The following QSOX1 variants were observed in gnomAD, a reference collection of about 807,000 sequenced individuals.
The protein encoded by QSOX1 is sulfhydryl oxidase 1.
QSOX1 carries 40 observed loss-of-function variants against 76.1 expected under a neutral mutation model. The observed-to-expected ratio is 0.53, with a 90% CI of 0.41 to 0.68. The LOEUF is 0.68. QSOX1 is among the 30% of genes least tolerant of loss of function. QSOX1 has a pLI of 0.00. For synonymous variants in QSOX1, 392 were observed against 413.1 expected, an observed-to-expected ratio of 0.95 and a Z score of 0.62; for missense variants, 931 against 974.3, an observed-to-expected ratio of 0.96 and a Z score of 0.59.
chr1:180,171,232 C>T (rs534754500), intron 2 of QSOX1, among the ~76,000 whole-genome samples: 73 of 152,272 alleles, frequency 4.8e-4, no homozygotes, highest in Non-Finnish European at 9.4e-4. Flanking sequence ...CATCATCTGT[C>T]GGGCCTGGTC....
At chr1:180,175,459 A>G (rs73040426) in intron 3 of QSOX1, 93 bp downstream of exon 3, 40,698 of 1,390,112 alleles carry the variant, frequency 0.029, 1,174 homozygotes, top group Middle Eastern at 0.12. Flanking sequence ...AAGCCCTGGC[A>G]GTCGGCAGGG....
At position 180,196,925 on chromosome 1, in the gene QSOX1, G is replaced by C. The variant is rs765339427; in HGVS notation, c.2132G>C (p.Ser711Thr). 1.3e-6 allele frequency: 2 copies of C among 1,598,656 alleles called. No individual in the cohort carries two copies. The highest frequency in any genetic ancestry group is 1.7e-5 in the Admixed American group (1 of 58,486). The change falls in exon 12 of 12, where the codon AGC (serine) becomes ACC (threonine). Residue 711 changes from serine (S) to threonine (T), a missense_variant. Coordinates refer to ENST00000367602, the MANE Select transcript of QSOX1 (RefSeq NM_002826.5). This position sits in a 1 kb window ranked among gnomAD's most constrained non-coding sequence, Gnocchi z 4.1. Reference protein sequence around the residue: ...LGGGFSYLDISLCVGLYSLSF... With the variant: ...LGGGFSYLDITLCVGLYSLSF... ...GGGGGCTTCTCTTACCTGGACATCA[G>C]CCTCTGTGTGGGGCTCTATTCCCTG...
intron 4 of QSOX1, among the ~76,000 whole-genome samples, chr1:180,176,392 T>C (rs557207943): frequency 6.6e-6 from 1 of 152,330 alleles, no homozygotes; most frequent in African/African-American, 2.4e-5. Flanking sequence ...GCAGCAGGAT[T>C]TCACATGCTC....
Position 180,154,995 on chromosome 1 carries a change from GC to G in QSOX1, c.92del (p.Pro31ArgfsTer12). ...GCTCGCGGTTCCCGGCGCTAACGCG[GC>G]CCCGCGGTCGGCGCTCTATTCGCCT... ...WLLAVPGANAAPRSALYSPSD... is the reference protein window; with the variant it reads ...WLLAVPGANAXPRSALYSPSD... On this transcript the variant is annotated frameshift_variant, in exon 1 of 12. Transcript: ENST00000367602. LOFTEE classifies it high-confidence loss of function. 6.6e-7 allele frequency: 1 copy of G among 1,510,024 alleles called. No homozygotes were observed. Among genetic ancestry groups the G allele is most frequent in the East Asian group, 2.7e-5 (1 of 37,324 alleles). The allele number at this position is 1,510,024 out of a possible 1,614,324, so 93.5% of individuals were successfully genotyped here. A position where few individuals can be genotyped will look rare whatever the true frequency, so the allele number is the denominator to read the frequency against.
chr1:180,162,606 G>C (rs1007231360), intron 1 of QSOX1, among the ~76,000 whole-genome samples: 1 of 152,052 alleles, frequency 6.6e-6, no homozygotes, highest in African/African-American at 2.4e-5. Flanking sequence ...AGGTGTGGTG[G>C]TGTGCACCTG....
chr1:180,158,081 T>C (rs770402739), intron 1 of QSOX1, among the ~76,000 whole-genome samples: 21 of 152,224 alleles, frequency 1.4e-4, no homozygotes, highest in Non-Finnish European at 2.2e-4. Context: ...CGGGAAAATA[T>C]CTGTACTATG....
intron 1 of QSOX1, among the ~76,000 whole-genome samples, chr1:180,161,873 C>T (rs904359675): frequency 2.6e-5 from 4 of 152,162 alleles, no homozygotes; most frequent in Admixed American, 6.5e-5. Flanking sequence ...CCAGTCCAAT[C>T]GTATTATCTC....
rs988351735 is a variant in QSOX1 at position 180,203,145 on chromosome 1, A to T, written c.*6108A>T. On this transcript the variant is annotated 3_prime_UTR_variant, in exon 12 of 12. Coordinates refer to ENST00000367602, the MANE Select transcript of QSOX1 (RefSeq NM_002826.5). ...AAAAGCTGGGGAAATATATGCTGTA[A>T]ATATGACAAAGGGCTGTGACTCTTC... is the stretch of plus-strand genomic sequence containing the variant. The T allele has an allele frequency of 6.6e-6, 1 of 152,228 alleles. No individual in the cohort carries two copies. The highest frequency in any genetic ancestry group is 1.5e-5 in the Non-Finnish European group (1 of 68,042). The allele number at this position is 152,228 out of a possible 1,614,324, so 9.4% of individuals were successfully genotyped here.
At chr1:180,182,770 C>T (rs1663072957) in intron 6 of QSOX1, among the ~76,000 whole-genome samples, 1 of 152,220 alleles carries the variant, frequency 6.6e-6, no homozygotes, top group South Asian at 2.1e-4. Context: ...AACAATCAGG[C>T]CAGCCTCAGC....
Position 180,196,386 on chromosome 1 carries a change from C to T in QSOX1, c.1593C>T (p.Leu531=), listed in dbSNP as rs768556738. ...ACGTGGAAGCCACCCTCAACTTCCT[C>T]AAGGCCCACTTCTCCCCAAGCAACA... ...VWDVEATLNF[L]KAHFSPSNII... The change falls in exon 12 of 12, where the codon CTC becomes CTT. Residue 531 remains leucine, a synonymous_variant. Coordinates refer to ENST00000367602, the MANE Select transcript of QSOX1 (RefSeq NM_002826.5). This position sits in a 1 kb window ranked among gnomAD's most constrained non-coding sequence, Gnocchi z 4.1. The T allele has an allele frequency of 9.3e-6, 15 of 1,614,212 alleles. No individual in the cohort carries two copies. Among genetic ancestry groups the T allele is most frequent in the Middle Eastern group, 1.6e-4 (1 of 6,062 alleles).
chr1:180,155,444 C>T (rs1343414611), intron 1 of QSOX1, among the ~76,000 whole-genome samples: 1 of 152,192 alleles, frequency 6.6e-6, no homozygotes, highest in African/African-American at 2.4e-5. Flanking sequence ...CCCGGTTCGT[C>T]CCCCGCCAGG....
chr1:180,198,927 T>C lies in QSOX1; in HGVS notation c.*1890T>C, dbSNP rs1663571603. On this transcript the variant is annotated 3_prime_UTR_variant, in exon 12 of 12. Transcript: ENST00000367602. ...CACCCCCTAAGGGCTCCTTGCCCAA[T>C]GCCAAGTGCTGGGGATTTCTGTCAG... 6.2e-6 allele frequency: 1 copy of C among 160,034 alleles called. No individual in the cohort carries two copies. The highest frequency in any genetic ancestry group is 1.4e-5 in the Non-Finnish European group (1 of 72,194). 9.9% of individuals were successfully genotyped at this position (160,034 alleles called of 1,614,324 possible). A position where few individuals can be genotyped will look rare whatever the true frequency, so the allele number is the denominator to read the frequency against.
chr1:180,163,378 C>T (rs73038417), intron 1 of QSOX1, among the ~76,000 whole-genome samples: 4,470 of 152,188 alleles, frequency 0.029, 127 homozygotes, highest in East Asian at 0.094. Flanking sequence ...AGAATTATGT[C>T]CCTTATTATT....
chr1:180,197,136 G>T lies in QSOX1; in HGVS notation c.*99G>T. On this transcript the variant is annotated 3_prime_UTR_variant, in exon 12 of 12. Transcript: ENST00000367602. ...CCTCCCACCCCTTGCTCCTTGTCTG[G>T]CCTAGAAGTGTGGGAAATTCAGGAA... The T allele has an allele frequency of 6.7e-7, 1 of 1,498,644 alleles. No individual in the cohort carries two copies. 92.8% of individuals were successfully genotyped at this position (1,498,644 alleles called of 1,614,324 possible). A position where few individuals can be genotyped will look rare whatever the true frequency, so the allele number is the denominator to read the frequency against.
chr1:180,188,905 T>G (rs1184335933), intron 8 of QSOX1, among the ~76,000 whole-genome samples: 3 of 152,216 alleles, frequency 2.0e-5, no homozygotes, highest in Non-Finnish European at 4.4e-5. Flanking sequence ...TATGTCCTCC[T>G]CCCTGGAGTC....
At position 180,171,095 on chromosome 1, in the gene QSOX1, G is replaced by A. The variant is rs944804927; in HGVS notation, c.367-4226G>A. Among the ~76,000 whole-genome samples, 4 of 152,204 alleles carry A rather than the reference G, an allele frequency of 2.6e-5. 1 individual carries two copies. Among genetic ancestry groups the A allele is most frequent in the Non-Finnish European group, 5.9e-5 (4 of 68,038 alleles). ...GAGGAGGAGCAAAATGTTCAGACCA[G>A]AACTGTGCCTTAGAAAACTAACCTT... On this transcript the variant is annotated intron_variant, in intron 2 of 11. Coordinates refer to ENST00000367602, the MANE Select transcript of QSOX1 (RefSeq NM_002826.5).
At chr1:180,178,249 G>GT (rs1372388526) in intron 4 of QSOX1, among the ~76,000 whole-genome samples, 9 of 152,136 alleles carry the variant, frequency 5.9e-5, no homozygotes, top group Non-Finnish European at 1.2e-4. Flanking sequence ...TTGTTTGTTT[G>GT]TTTTTTGGAG....
At chr1:180,179,015 C>G (rs976476380) in intron 5 of QSOX1, 131 bp downstream of exon 5, 1 of 757,084 alleles carries the variant, frequency 1.3e-6, no homozygotes, top group Non-Finnish European at 2.2e-6. Flanking sequence ...ATTGGCCTGA[C>G]CCCTGCTGGG....
Position 180,190,419 on chromosome 1 carries a change from CAT to C in QSOX1, c.1141-13_1141-12del, listed in dbSNP as rs1185000995. ...CCTTCTCCATATGTGCACTCACACT[CAT>C]GTGTCCCTCAGGGTGCCGTTCTTGC... On this transcript the variant is annotated splice_polypyrimidine_tract_variant and intron_variant, in intron 9 of 11. Coordinates refer to ENST00000367602, the MANE Select transcript of QSOX1 (RefSeq NM_002826.5). 4 of 1,609,734 alleles carry C rather than the reference CAT, an allele frequency of 2.5e-6. 1 individual carries two copies. The Admixed American group carries it at 5.0e-5, about 20-fold the overall frequency.
Sources: gnomAD v4.1 joint callset for allele counts (sites outside exome capture counted in the v4.1 genomes callset) on GRCh38, gnomAD v4.1.1 for gene constraint, Gnocchi (gnomAD v3.1) non-coding constraint, MANE v1.5 for transcripts, NCBI Gene and HGNC (gene_info 2026-07-23, HGNC 2026-07-21) for gene names.